Variants in SUGCT observed in about 807,000 individuals in gnomAD.
SUGCT encodes the protein succinyl-CoA:glutarate-CoA transferase, also known as succinyl-CoA:glutarate CoA-transferase.
Under a neutral mutation model 55.0 loss-of-function variants are expected in SUGCT, and 41 were observed. That is an observed-to-expected ratio of 0.74 (90% confidence interval 0.58 to 0.97). The LOEUF (loss-of-function observed/expected upper bound fraction) is 0.97. Ranked by LOEUF, SUGCT falls within the 50% of genes least tolerant of loss-of-function variation. The pLI is 0.00. For missense variants in SUGCT, 568 were observed against 547.8 expected (o/e 1.04, Z -0.37); for synonymous variants, 187 against 200.4 (o/e 0.93, Z 0.56).
intron 7 of SUGCT, among the ~76,000 whole-genome samples, chr7:40,245,421 A>AT (rs1789764719): frequency 5.0e-5 from 2 of 39,878 alleles, no homozygotes; most frequent in African/African-American, 1.2e-4. Flanking sequence ...ATATATATAT[A>AT]TATTTTTTTT....
intron 9 of SUGCT, among the ~76,000 whole-genome samples, chr7:40,413,739 A>T (rs1323145851): frequency 6.6e-6 from 1 of 152,176 alleles, no homozygotes; most frequent in East Asian, 1.9e-4. Flanking sequence ...GGAAAATCCT[A>T]ATTGTAAAAC....
chr7:40,880,583 A>G, the SUGCT span, among the ~76,000 whole-genome samples: 1 of 152,242 alleles, frequency 6.6e-6, no homozygotes, highest in African/African-American at 2.4e-5. Flanking sequence ...ATAAAAAGTT[A>G]TGATCAAAAT....
At chr7:40,416,503 A>G (rs1288976589) in intron 9 of SUGCT, among the ~76,000 whole-genome samples, 1 of 151,886 alleles carries the variant, frequency 6.6e-6, no homozygotes, top group Non-Finnish European at 1.5e-5. Context: ...TTATCAAATT[A>G]CTTTTAGTAC....
intron 12 of SUGCT, among the ~76,000 whole-genome samples, chr7:40,611,930 C>T (rs1328604680): frequency 6.6e-6 from 1 of 152,058 alleles, no homozygotes; most frequent in Non-Finnish European, 1.5e-5. Flanking sequence ...TATCACAGAG[C>T]TGTCTTCTAG....
chr7:40,291,023 A>G (rs1021236583), intron 8 of SUGCT, among the ~76,000 whole-genome samples: 11 of 152,056 alleles, frequency 7.2e-5, no homozygotes, highest in Admixed American at 3.3e-4. Context: ...TGGAGAGGAT[A>G]TGGAGAAATA....
At chr7:40,228,810 A>T (rs758159789) in intron 6 of SUGCT, among the ~76,000 whole-genome samples, 20 of 152,138 alleles carry the variant, frequency 1.3e-4, no homozygotes, top group Non-Finnish European at 2.4e-4. Flanking sequence ...CAATTGCCAT[A>T]ATAATGAATT....
chr7:40,432,478 G>A (rs1787943641), intron 9 of SUGCT, among the ~76,000 whole-genome samples: 1 of 152,058 alleles, frequency 6.6e-6, no homozygotes. Flanking sequence ...ACGAGGTCAG[G>A]AGTTTGAGAC....
the SUGCT span, among the ~76,000 whole-genome samples, chr7:40,991,111 G>A: frequency 6.5e-4 from 99 of 152,270 alleles, 1 homozygote; most frequent in Non-Finnish European, 6.8e-4. Flanking sequence ...CATTTCCAGC[G>A]TTTGATTTAA....
intron 10 of SUGCT, among the ~76,000 whole-genome samples, chr7:40,452,708 G>A (rs1159550332): frequency 6.6e-6 from 1 of 152,184 alleles, no homozygotes; most frequent in Non-Finnish European, 1.5e-5. Flanking sequence ...GGTTTGGAAA[G>A]TGTTAGAGAA....
intron 12 of SUGCT, among the ~76,000 whole-genome samples, chr7:40,637,455 T>A (rs1800069570): frequency 6.6e-6 from 1 of 152,238 alleles, no homozygotes; most frequent in Admixed American, 6.5e-5. Context: ...AAGTGTTTGA[T>A]AGGAAACGGG....
chr7:40,422,990 T>A (rs1274267506), intron 9 of SUGCT, among the ~76,000 whole-genome samples: 3 of 152,178 alleles, frequency 2.0e-5, no homozygotes, highest in Non-Finnish European at 4.4e-5. Flanking sequence ...AGATGCTGAA[T>A]GTTATGAATG....
intron 12 of SUGCT, among the ~76,000 whole-genome samples, chr7:40,642,605 A>G (rs781638457): frequency 2.0e-5 from 3 of 152,236 alleles, no homozygotes; most frequent in Non-Finnish European, 2.9e-5. Context: ...ACAAGGGACT[A>G]AAGCCTGTTA....
chr7:40,570,600 T>C (rs1796388869), intron 12 of SUGCT, among the ~76,000 whole-genome samples: 1 of 152,160 alleles, frequency 6.6e-6, no homozygotes, highest in Non-Finnish European at 1.5e-5. Context: ...TTTTCTGATA[T>C]TTGATGTATT....
At chr7:40,921,366 A>C in the SUGCT span, among the ~76,000 whole-genome samples, 1 of 152,132 alleles carries the variant, frequency 6.6e-6, no homozygotes, top group African/African-American at 2.4e-5. Context: ...AAGTTGCTGC[A>C]CTCCGCCAGG....
At chr7:40,650,432 C>T (rs984278399) in intron 12 of SUGCT, among the ~76,000 whole-genome samples, 1 of 152,152 alleles carries the variant, frequency 6.6e-6, no homozygotes, top group East Asian at 1.9e-4. Context: ...AACTTCTAAG[C>T]AGGGTTGAAT....
the SUGCT span, among the ~76,000 whole-genome samples, chr7:41,012,675 A>G: frequency 4.6e-5 from 7 of 152,156 alleles, no homozygotes; most frequent in Non-Finnish European, 1.0e-4. Flanking sequence ...AATTCTCTCT[A>G]GACAGTGCTG....
At chr7:40,357,403 A>G (rs898104251) in intron 9 of SUGCT, among the ~76,000 whole-genome samples, 2 of 152,316 alleles carry the variant, frequency 1.3e-5, no homozygotes, top group South Asian at 4.1e-4. Context: ...TTCTTTTGAC[A>G]TGATTGGTAT....
chr7:40,789,941 C>T (rs1260523020), intron 13 of SUGCT, among the ~76,000 whole-genome samples: 1 of 152,014 alleles, frequency 6.6e-6, no homozygotes, highest in Non-Finnish European at 1.5e-5. Flanking sequence ...TAGTAATGCC[C>T]CAGGAAAAAT....
chr7:40,752,638 C>T (rs1029955707), intron 13 of SUGCT, among the ~76,000 whole-genome samples: 2 of 152,126 alleles, frequency 1.3e-5, no homozygotes, highest in African/African-American at 4.8e-5. Flanking sequence ...TTACAGATGT[C>T]AGCCACTGTG....
Sources: gnomAD v4.1 joint callset for allele counts (sites outside exome capture counted in the v4.1 genomes callset) on GRCh38, gnomAD v4.1.1 for gene constraint, MANE v1.5 for transcripts, NCBI Gene and HGNC (gene_info 2026-07-23, HGNC 2026-07-21) for gene names.